The following PLXDC1 variants were observed in gnomAD, a reference collection of about 807,000 sequenced individuals.
PLXDC1 encodes plexin domain-containing protein 1.
A neutral mutation model predicts 61.3 loss-of-function variants in PLXDC1; 39 were observed. That is an observed-to-expected ratio of 0.64 (90% confidence interval 0.49 to 0.83). PLXDC1 has a LOEUF of 0.83. PLXDC1 is among the 40% of genes least tolerant of loss of function. PLXDC1 has a pLI of 0.00. For missense variants in PLXDC1, 596 were observed against 666.5 expected, an observed-to-expected ratio of 0.89 and a Z score of 1.17; for synonymous variants, 212 against 254.5, an observed-to-expected ratio of 0.83 and a Z score of 1.59.
intron 7 of PLXDC1, chr17:39,097,045 C>T (rs1226750475): frequency 4.3e-6 from 2 of 470,348 alleles, no homozygotes; most frequent in African/African-American, 4.0e-5. Flanking sequence ...ACCCTCTCCC[C>T]CAGGAGTGAG....
chr17:39,094,610 C>T (rs1269080523), intron 7 of PLXDC1, among the ~76,000 whole-genome samples: 4 of 152,146 alleles, frequency 2.6e-5, no homozygotes, highest in Admixed American at 6.6e-5. Context: ...CCACAAGCTC[C>T]GCTAAGACAG....
At chr17:39,105,018 C>T (rs1014428307) in intron 7 of PLXDC1, among the ~76,000 whole-genome samples, 2 of 152,180 alleles carry the variant, frequency 1.3e-5, no homozygotes, top group Non-Finnish European at 2.9e-5. Context: ...GGCTCCCAAG[C>T]GTGTCCTTCC....
intron 6 of PLXDC1, among the ~76,000 whole-genome samples, chr17:39,106,568 G>A (rs887106625): frequency 1.6e-4 from 24 of 150,888 alleles, no homozygotes; most frequent in African/African-American, 5.4e-4. Context: ...CAATCTTCCC[G>A]CCTCAGTCTC....
intron 2 of PLXDC1, among the ~76,000 whole-genome samples, chr17:39,114,891 C>G (rs1910918432): frequency 6.6e-6 from 1 of 152,174 alleles, no homozygotes; most frequent in South Asian, 2.1e-4. Flanking sequence ...GAGCTTTCCC[C>G]AAACCTCCGG....
intron 2 of PLXDC1, among the ~76,000 whole-genome samples, chr17:39,130,906 A>G (rs1437924852): frequency 6.6e-6 from 1 of 152,142 alleles, no homozygotes; most frequent in African/African-American, 2.4e-5. Context: ...CTCAACAAAA[A>G]AGAAAAAAAG....
intron 7 of PLXDC1, among the ~76,000 whole-genome samples, chr17:39,089,795 C>T (rs1909879307): frequency 6.6e-6 from 1 of 152,034 alleles, no homozygotes; most frequent in Non-Finnish European, 1.5e-5. Context: ...CACATAGTAT[C>T]TCATTATTTA....
At position 39,067,866 on chromosome 17, in the gene PLXDC1, C is replaced by T; in HGVS notation, c.1477G>A (p.Gly493Ser). ...CAGCACTGCTCAGCCTCCATGAAGC[C>T]CTCCTTCTCATGGCCCGAGGGCTCC... The part of the protein sequence containing the change: ...EVEPSGHEKE[G>S]FMEAEQC Residue 493 changes from glycine to serine, a missense_variant, in exon 14 of 14, where the codon GGC becomes AGC. Coordinates refer to ENST00000315392, the MANE Select transcript of PLXDC1 (RefSeq NM_020405.5). The T allele has an allele frequency of 6.2e-7, 1 of 1,614,002 alleles. No individual in the cohort carries two copies. Among genetic ancestry groups the T allele is most frequent in the South Asian group, 1.1e-5 (1 of 91,082 alleles).
Position 39,067,529 on chromosome 17 carries a change from A to G in PLXDC1, c.*311T>C, listed in dbSNP as rs1908940320. Reference sequence around the variant, plus strand: ...GTGCAGGAATAGGTAAAGGCCCCTTAAACAAAAATGGAGTTAGTTATGTTA... The same window carrying G: ...GTGCAGGAATAGGTAAAGGCCCCTTGAACAAAAATGGAGTTAGTTATGTTA... On this transcript the variant is annotated 3_prime_UTR_variant, in exon 14 of 14. Coordinates refer to ENST00000315392, the MANE Select transcript of PLXDC1 (RefSeq NM_020405.5). The G allele has an allele frequency of 8.4e-6, 2 of 238,172 alleles. No homozygotes were observed. The highest frequency in any genetic ancestry group is 1.7e-4 in the East Asian group (2 of 11,628). The allele number at this position is 238,172 out of a possible 1,614,324, so 14.8% of individuals were successfully genotyped here.
chr17:39,105,978 T>C, intron 6 of PLXDC1, 25 bp from the exon 7 acceptor site: 2 of 1,541,038 alleles, frequency 1.3e-6, no homozygotes, highest in South Asian at 1.1e-5. Context: ...AGAGACTCCG[T>C]CCACCTCCCA....
chr17:39,107,595 G>C (rs745411747), intron 5 of PLXDC1, 70 bp from the exon 6 acceptor site: 1 of 1,147,142 alleles, frequency 8.7e-7, no homozygotes, highest in Admixed American at 1.7e-5. Flanking sequence ...AGAAATGCCA[G>C]TCGGAGGGCA....
At chr17:39,141,431 T>G (rs1911931024) in intron 1 of PLXDC1, among the ~76,000 whole-genome samples, 1 of 152,262 alleles carries the variant, frequency 6.6e-6, no homozygotes, top group Non-Finnish European at 1.5e-5. Flanking sequence ...CATAATAAAT[T>G]CAAGGTTCAT....
chr17:39,095,742 G>A (rs1258940661), intron 7 of PLXDC1, among the ~76,000 whole-genome samples: 1 of 151,876 alleles, frequency 6.6e-6, no homozygotes, highest in East Asian at 1.9e-4. Context: ...TCAGCTCACT[G>A]CAGCCTCCAC....
chr17:39,149,381 C>T (rs3025187), intron 1 of PLXDC1, among the ~76,000 whole-genome samples: 28,837 of 151,970 alleles, frequency 0.19, 3,463 homozygotes, highest in African/African-American at 0.34. Flanking sequence ...TCCCCCAGAA[C>T]GTCCTTCTCC....
chr17:39,147,869 G>A (rs2045352198), intron 1 of PLXDC1, among the ~76,000 whole-genome samples: 1 of 152,170 alleles, frequency 6.6e-6, no homozygotes, highest in African/African-American at 2.4e-5. Context: ...TACCCAGGAA[G>A]AGTCTAGTTT....
intron 2 of PLXDC1, among the ~76,000 whole-genome samples, chr17:39,110,105 G>A (rs1432780036): frequency 6.6e-6 from 1 of 150,804 alleles, no homozygotes; most frequent in Non-Finnish European, 1.5e-5. Flanking sequence ...CAGCCTGGGC[G>A]ACAGAGCGAG....
chr17:39,072,341 C>T, intron 12 of PLXDC1, 109 bp downstream of exon 12: 1 of 785,262 alleles, frequency 1.3e-6, no homozygotes, highest in Non-Finnish European at 2.2e-6. Flanking sequence ...GCTGCCGTTG[C>T]TCCCTCTCCG....
intron 2 of PLXDC1, among the ~76,000 whole-genome samples, chr17:39,129,763 GAA>G (rs1444743144): frequency 1.4e-4 from 20 of 146,738 alleles, no homozygotes; most frequent in African/African-American, 1.0e-4. Flanking sequence ...AAGAAAGAAA[GAA>G]AGAGAGAAAG....
intron 7 of PLXDC1, among the ~76,000 whole-genome samples, chr17:39,089,662 C>T (rs1442132826): frequency 6.6e-6 from 1 of 152,172 alleles, no homozygotes; most frequent in East Asian, 1.9e-4. Context: ...GAAAATTTCC[C>T]AAGGTGGCAG....
At chr17:39,152,726 G>T, upstream of PLXDC1, 1 of 1,218,388 alleles carries the variant, frequency 8.2e-7, no homozygotes, top group Non-Finnish European at 1.0e-6. Flanking sequence ...GACAGGAGAA[G>T]GTACACTGTG....
Sources: allele counts gnomAD v4.1 joint callset (sites outside exome capture counted in the v4.1 genomes callset), GRCh38; gene constraint gnomAD v4.1.1; transcripts MANE v1.5; gene names NCBI Gene and HGNC (gene_info 2026-07-23, HGNC 2026-07-21).